KCNN3: variants seen among roughly 807,000 people sequenced by gnomAD.
The protein encoded by KCNN3 is potassium calcium-activated channel subfamily N member 3.
Under a neutral mutation model 62.9 loss-of-function variants are expected in KCNN3, and 16 were observed. The observed-to-expected ratio is 0.25, with a 90% CI of 0.17 to 0.39. KCNN3 has a LOEUF of 0.39. Ranked by LOEUF, KCNN3 falls within the 10% of genes least tolerant of loss-of-function variation. The pLI, the probability that KCNN3 is intolerant of heterozygous loss-of-function variation, is 1.00. For synonymous variants in KCNN3, 370 were observed against 389.2 expected (o/e 0.95, Z 0.58); for missense variants, 599 against 949.4 (o/e 0.63, Z 4.85).
chr1:154,831,675 A>C (rs1418287331), intron 1 of KCNN3, among the ~76,000 whole-genome samples: 1 of 152,046 alleles, frequency 6.6e-6, no homozygotes, highest in Non-Finnish European at 1.5e-5. Context: ...ATGGCCATCC[A>C]GTCTCTGCTT....
At chr1:154,783,828 G>A (rs975523711) in intron 2 of KCNN3, among the ~76,000 whole-genome samples, 2 of 152,120 alleles carry the variant, frequency 1.3e-5, no homozygotes, top group African/African-American at 4.8e-5. Flanking sequence ...AGCATGTGGC[G>A]TTCAGCGCTG....
intron 2 of KCNN3, among the ~76,000 whole-genome samples, chr1:154,799,445 G>A (rs1649863763): frequency 6.6e-6 from 1 of 152,154 alleles, no homozygotes; most frequent in African/African-American, 2.4e-5. Flanking sequence ...TCTAGCCAGG[G>A]CACCTCTAGA....
chr1:154,773,261 C>T (rs1648649070), intron 2 of KCNN3, among the ~76,000 whole-genome samples: 1 of 152,156 alleles, frequency 6.6e-6, no homozygotes, highest in Non-Finnish European at 1.5e-5. Flanking sequence ...TGGAGTGTTG[C>T]GTGCCCAGAG....
intron 2 of KCNN3, among the ~76,000 whole-genome samples, chr1:154,794,764 T>C (rs1649656826): frequency 6.6e-6 from 1 of 152,074 alleles, no homozygotes; most frequent in Non-Finnish European, 1.5e-5. Flanking sequence ...GAGGTGGCAC[T>C]GGAGGGAGGA....
chr1:154,713,103 C>T (rs1700112433), intron 7 of KCNN3, among the ~76,000 whole-genome samples: 1 of 152,212 alleles, frequency 6.6e-6, no homozygotes, highest in Admixed American at 6.5e-5. Context: ...TCGTTACCGT[C>T]TGGTCCTTGC....
At chr1:154,817,631 A>G (rs144107899) in intron 2 of KCNN3, among the ~76,000 whole-genome samples, 73 of 152,362 alleles carry the variant, frequency 4.8e-4, no homozygotes, top group African/African-American at 1.6e-3. Flanking sequence ...CTACATTCTC[A>G]GTAGAGAACG....
Position 154,801,257 on chromosome 1 carries a change from C to T in KCNN3, c.1029+20832G>A, listed in dbSNP as rs6672101. ...TTATCCCGGCAAAGTAGAAGAAGGCCGTTTGCATTCTGAAATGAAGCATCA... is the reference window on the plus strand; with the variant it reads ...TTATCCCGGCAAAGTAGAAGAAGGCTGTTTGCATTCTGAAATGAAGCATCA... On this transcript the variant is annotated intron_variant, in intron 2 of 7. Coordinates refer to ENST00000271915, the MANE Select transcript of KCNN3 (RefSeq NM_002249.6). Among the ~76,000 whole-genome samples, 843 of 152,226 alleles carry T rather than the reference C, an allele frequency of 5.5e-3. 7 individuals carry two copies. Among genetic ancestry groups the T allele is most frequent in the African/African-American group, 0.019 (803 of 41,518 alleles).
chr1:154,752,622 C>A (rs1317257734), intron 3 of KCNN3, among the ~76,000 whole-genome samples: 1 of 152,088 alleles, frequency 6.6e-6, no homozygotes, highest in Non-Finnish European at 1.5e-5. Flanking sequence ...CAGAGGAGAA[C>A]CTGTGTAGAA....
intron 2 of KCNN3, among the ~76,000 whole-genome samples, chr1:154,777,555 T>G (rs1191492694): frequency 6.6e-6 from 1 of 152,184 alleles, no homozygotes; most frequent in African/African-American, 2.4e-5. Flanking sequence ...TGGTTCAACC[T>G]GGAATAAACT....
intron 3 of KCNN3, chr1:154,736,947 T>C (rs1700723496): frequency 1.5e-6 from 1 of 683,884 alleles, no homozygotes; most frequent in Non-Finnish European, 2.7e-6. Context: ...GCTTCTCTGG[T>C]GGGGGCTACG....
intron 5 of KCNN3, among the ~76,000 whole-genome samples, chr1:154,721,076 C>A (rs565052021): frequency 1.3e-5 from 2 of 152,190 alleles, no homozygotes; most frequent in South Asian, 4.1e-4. Context: ...TGGTCTTATT[C>A]ATTGAATTCA....
chr1:154,851,047 G>A (rs926394365), intron 1 of KCNN3, among the ~76,000 whole-genome samples: 2 of 152,086 alleles, frequency 1.3e-5, no homozygotes, highest in South Asian at 2.1e-4. Flanking sequence ...GCACTATCTC[G>A]GCTCACCACA....
chr1:154,844,220 T>C (rs1002585783), intron 1 of KCNN3, among the ~76,000 whole-genome samples: 4 of 152,268 alleles, frequency 2.6e-5, no homozygotes, highest in African/African-American at 9.6e-5. Context: ...GCATAATTCA[T>C]GCATTATTAG....
intron 1 of KCNN3, among the ~76,000 whole-genome samples, chr1:154,833,572 G>A (rs1651461050): frequency 1.3e-5 from 2 of 152,284 alleles, no homozygotes; most frequent in South Asian, 2.1e-4. Context: ...CTGACTCCCC[G>A]ATTCTATAGG....
intron 1 of KCNN3, among the ~76,000 whole-genome samples, chr1:154,859,527 G>A (rs1004905161): frequency 6.6e-6 from 1 of 152,188 alleles, no homozygotes; most frequent in Non-Finnish European, 1.5e-5. Flanking sequence ...GAAAACCAAC[G>A]GTGGCAGATG....
At chr1:154,844,191 C>T (rs1183077246) in intron 1 of KCNN3, among the ~76,000 whole-genome samples, 1 of 152,230 alleles carries the variant, frequency 6.6e-6, no homozygotes, top group Non-Finnish European at 1.5e-5. Flanking sequence ...TTATGCAAAT[C>T]AAGTGACTAC....
At chr1:154,781,878 A>G (rs947931342) in intron 2 of KCNN3, among the ~76,000 whole-genome samples, 3 of 152,178 alleles carry the variant, frequency 2.0e-5, no homozygotes, top group Non-Finnish European at 1.5e-5. Flanking sequence ...AAACAGGTAA[A>G]CCATTTAATT....
At chr1:154,848,102 C>G (rs557153667) in intron 1 of KCNN3, among the ~76,000 whole-genome samples, 5 of 152,220 alleles carry the variant, frequency 3.3e-5, no homozygotes, top group South Asian at 4.1e-4. Flanking sequence ...GCCTCCCCCC[C>G]TCCCCAGCCA....
At chr1:154,771,058 GATAAATAA>G (rs112864449) in intron 3 of KCNN3, among the ~76,000 whole-genome samples, 31,331 of 136,358 alleles carry the variant, frequency 0.23, 4,228 homozygotes, top group Non-Finnish European at 0.29. Context: ...CTCCATCTCA[GATAAATAA>G]ATAAATAAAT....
Sources: gnomAD v4.1 joint callset for allele counts (sites outside exome capture counted in the v4.1 genomes callset) on GRCh38, gnomAD v4.1.1 for gene constraint, MANE v1.5 for transcripts, NCBI Gene and HGNC (gene_info 2026-07-23, HGNC 2026-07-21) for gene names.